SLC35D1: variants seen among roughly 807,000 people sequenced by gnomAD.
SLC35D1 encodes the protein solute carrier family 35 member D1.
In SLC35D1, 31 loss-of-function variants were observed where a neutral mutation model predicts 46.7. That is an observed-to-expected ratio of 0.66 (90% CI 0.50 to 0.90). The LOEUF is 0.90. Among genes scored for constraint, SLC35D1 ranks in the 40% least tolerant of loss-of-function variants. The probability of loss-of-function intolerance (pLI) is 0.00; values close to 1 mark genes in which losing one functional copy is unlikely to be tolerated. For synonymous variants in SLC35D1, 195 were observed against 164.6 expected, an observed-to-expected ratio of 1.18 and a Z score of -1.41; for missense variants, 397 against 426.2, an observed-to-expected ratio of 0.93 and a Z score of 0.60.
chr1:67,008,140 C>G (rs1210385644), intron 11 of SLC35D1, among the ~76,000 whole-genome samples: 2 of 152,034 alleles, frequency 1.3e-5, no homozygotes, highest in Admixed American at 1.3e-4. Flanking sequence ...ACAGCACTAC[C>G]AACTGTTTTA....
At position 67,004,395 on chromosome 1, in the gene SLC35D1, C is replaced by A. The variant is rs780913173; in HGVS notation, c.1013G>T (p.Ser338Ile). Residue 338 changes from serine (S) to isoleucine (I), a missense_variant, in exon 12 of 12, where the codon AGC (serine) becomes ATC (isoleucine). Ser to Ile is a moderately radical substitution (Grantham distance 142, BLOSUM62 -2). Coordinates refer to ENST00000235345, the MANE Select transcript of SLC35D1 (RefSeq NM_015139.3). ...CTTGTTATTAGCCTCTGACTGTTTG[C>A]TCAGCTGCTCTTCAGTGAAAGTGAT... is the stretch of plus-strand genomic sequence containing the variant. ...SYITFTEEQL[S>I]KQSEANNKLD... is the part of the protein sequence containing the mutation. 6.2e-7 allele frequency: 1 copy of A among 1,614,080 alleles called. No homozygotes were observed. Among genetic ancestry groups the A allele is most frequent in the South Asian group, 1.1e-5 (1 of 91,080 alleles).
chr1:67,031,046 A>G (rs1349888256), intron 8 of SLC35D1, among the ~76,000 whole-genome samples: 1 of 152,196 alleles, frequency 6.6e-6, no homozygotes, highest in African/African-American at 2.4e-5. Flanking sequence ...TGAATGTTAC[A>G]TTTGATTCAG....
intron 10 of SLC35D1, among the ~76,000 whole-genome samples, chr1:67,015,160 T>TAAAA (rs140508453): frequency 2.3e-5 from 2 of 85,394 alleles, no homozygotes; most frequent in African/African-American, 5.3e-5. Flanking sequence ...TGTGTTTTTG[T>TAAAA]AAAAAAAAAA....
intron 7 of SLC35D1, among the ~76,000 whole-genome samples, chr1:67,043,909 G>C (rs796303955): frequency 3.3e-5 from 5 of 152,324 alleles, no homozygotes; most frequent in African/African-American, 9.6e-5. Context: ...GGGACAGTGA[G>C]GGAGTGGTAA....
intron 7 of SLC35D1, among the ~76,000 whole-genome samples, chr1:67,046,657 C>T (rs763421880): frequency 2.6e-5 from 4 of 152,220 alleles, no homozygotes; most frequent in Middle Eastern, 3.4e-3. Flanking sequence ...AATCTCATAA[C>T]GTAATGTTGC....
intron 5 of SLC35D1, 45 bp from the exon 6 acceptor site, chr1:67,049,895 A>G: frequency 7.2e-7 from 1 of 1,395,914 alleles, no homozygotes; most frequent in Non-Finnish European, 1.0e-6. Flanking sequence ...CTTTATTCCC[A>G]CACTCATTTT....
Position 67,021,422 on chromosome 1 carries a change from A to T in SLC35D1, c.797+113T>A, listed in dbSNP as rs78189578. 973 of 1,122,912 alleles carry T rather than the reference A, an allele frequency of 8.7e-4. 24 individuals carry two copies. The East Asian group carries it at 0.022, about 25-fold the overall frequency. 69.6% of individuals were successfully genotyped at this position (1,122,912 alleles called of 1,614,324 possible). On this transcript the variant is annotated intron_variant, in intron 9 of 11. Coordinates refer to ENST00000235345, the MANE Select transcript of SLC35D1 (RefSeq NM_015139.3). ...ACCACCTGAATCTGGAGGCTTAATT[A>T]TCCTAGGCTGACACACTCAGGAGAC...
At chr1:67,053,665 C>G (rs1645336696) in intron 1 of SLC35D1, 146 bp downstream of exon 1, 1 of 743,776 alleles carries the variant, frequency 1.3e-6, no homozygotes, top group South Asian at 4.1e-5. Context: ...GCCCGGGCCG[C>G]GCGCGTCAGC....
chr1:67,025,767 A>G (rs1074264), intron 8 of SLC35D1, among the ~76,000 whole-genome samples: 24,346 of 152,148 alleles, frequency 0.16, 2,275 homozygotes, highest in Non-Finnish European at 0.22. Flanking sequence ...CATACAGGTA[A>G]CATATTTTGT....
At chr1:67,026,140 C>G (rs1483277131) in intron 8 of SLC35D1, among the ~76,000 whole-genome samples, 2 of 152,128 alleles carry the variant, frequency 1.3e-5, no homozygotes. Flanking sequence ...AATATGTCAG[C>G]AATAGATTCT....
intron 8 of SLC35D1, among the ~76,000 whole-genome samples, chr1:67,026,880 G>C (rs553165360): frequency 1.8e-3 from 273 of 152,164 alleles, no homozygotes; most frequent in Non-Finnish European, 3.3e-3. Flanking sequence ...CCCAGCAAAG[G>C]GGGAAGACCC....
chr1:66,976,160 T>C, the SLC35D1 span, among the ~76,000 whole-genome samples: 2 of 151,696 alleles, frequency 1.3e-5, no homozygotes, highest in East Asian at 2.0e-4. Context: ...CCTGCCACCA[T>C]GCCCGGCTAA....
Position 67,020,441 on chromosome 1 carries a change from G to T in SLC35D1, c.804C>A (p.Ile268=). 1 of 1,602,948 alleles carries T rather than the reference G, an allele frequency of 6.2e-7. No homozygotes were observed. Among genetic ancestry groups the T allele is most frequent in the South Asian group, 1.1e-5 (1 of 90,852 alleles). Reference sequence around the variant, plus strand: ...TGCAGAGTACTGTGGCGTACATTAAGATAAACCTAGAATGAAGAAAGAGGT... The same window carrying T: ...TGCAGAGTACTGTGGCGTACATTAATATAAACCTAGAATGAAGAAAGAGGT... ...QFTLSCVMGF[I]LMYATVLCTQ... The change falls in exon 10 of 12, where the codon ATC becomes ATA. Residue 268 remains isoleucine, a synonymous_variant. Coordinates refer to ENST00000235345, the MANE Select transcript of SLC35D1 (RefSeq NM_015139.3).
At chr1:67,044,782 A>G (rs1451554028) in intron 7 of SLC35D1, among the ~76,000 whole-genome samples, 2 of 152,224 alleles carry the variant, frequency 1.3e-5, no homozygotes, top group African/African-American at 2.4e-5. Flanking sequence ...CTCATACTCA[A>G]TGGACTATAA....
At chr1:67,023,342 T>A (rs552507689) in intron 8 of SLC35D1, among the ~76,000 whole-genome samples, 91 of 152,360 alleles carry the variant, frequency 6.0e-4, no homozygotes, top group African/African-American at 2.1e-3. Context: ...CACTTGGAAC[T>A]GTTACAGGCC....
chr1:67,048,415 AAGGT>A (rs1227164442), intron 6 of SLC35D1, among the ~76,000 whole-genome samples: 1 of 152,220 alleles, frequency 6.6e-6, no homozygotes, highest in Non-Finnish European at 1.5e-5. Context: ...TCTAAAAAGA[AAGGT>A]AGGAGGCTAG....
intron 9 of SLC35D1, among the ~76,000 whole-genome samples, chr1:67,020,825 A>T (rs1667782476): frequency 6.6e-6 from 1 of 152,194 alleles, no homozygotes; most frequent in Non-Finnish European, 1.5e-5. Context: ...TCTGGGCCAG[A>T]CGAAGACAAG....
At position 67,001,721 on chromosome 1, in the gene SLC35D1, C is replaced by T. The variant is rs952349831; in HGVS notation, c.*2619G>A. 3.3e-5 allele frequency: 5 copies of T among 152,338 alleles called. No individual in the cohort carries two copies. Among genetic ancestry groups the T allele is most frequent in the Non-Finnish European group, 7.3e-5 (5 of 68,044 alleles). The allele number at this position is 152,338 out of a possible 1,614,324, so 9.4% of individuals were successfully genotyped here. A position where few individuals can be genotyped will look rare whatever the true frequency, so the allele number is the denominator to read the frequency against. On this transcript the variant is annotated 3_prime_UTR_variant, in exon 12 of 12. Transcript: ENST00000235345. ...TAAATCACCAGTATATTGTAACACG[C>T]CTGCAATAATCAAAACGCAAACTCC...
chr1:67,032,106 T>C, intron 8 of SLC35D1: 3 of 985,208 alleles, frequency 3.0e-6, no homozygotes, highest in Non-Finnish European at 3.6e-6. Flanking sequence ...GACTGGTAGC[T>C]GTGATTACAG....
Sources: allele counts gnomAD v4.1 joint callset (sites outside exome capture counted in the v4.1 genomes callset), GRCh38; gene constraint gnomAD v4.1.1; transcripts MANE v1.5; gene names NCBI Gene and HGNC (gene_info 2026-07-23, HGNC 2026-07-21).